LHFPL2: variants seen among roughly 807,000 people sequenced by gnomAD.
The protein encoded by LHFPL2 is LHFPL tetraspan subfamily member 2, also known as LHFPL tetraspan subfamily member 2 protein.
In LHFPL2, 7 loss-of-function variants were observed where a neutral mutation model predicts 17.5. That is an observed-to-expected ratio of 0.40 (90% CI 0.23 to 0.75). LHFPL2 has a LOEUF of 0.75. Among genes scored for constraint, LHFPL2 ranks in the 30% least tolerant of loss-of-function variants. The pLI, the probability that LHFPL2 is intolerant of heterozygous loss-of-function variation, is 0.37. For missense variants in LHFPL2, 241 were observed against 294.8 expected, an observed-to-expected ratio of 0.82 and a Z score of 1.34; for synonymous variants, 134 against 116.2, an observed-to-expected ratio of 1.15 and a Z score of -0.99.
intron 3 of LHFPL2, among the ~76,000 whole-genome samples, chr5:78,563,423 T>A (rs183196706): frequency 6.6e-6 from 1 of 152,144 alleles, no homozygotes; most frequent in Non-Finnish European, 1.5e-5. Context: ...GGGCCGACCA[T>A]GGTGACTCAC....
chr5:78,556,926 G>C (rs1368839928), intron 3 of LHFPL2, among the ~76,000 whole-genome samples: 1 of 151,974 alleles, frequency 6.6e-6, no homozygotes, highest in African/African-American at 2.4e-5. Context: ...TTGATAACTG[G>C]GGGGACAGGT....
chr5:78,550,597 T>G (rs866957455), intron 3 of LHFPL2, among the ~76,000 whole-genome samples: 10 of 152,210 alleles, frequency 6.6e-5, no homozygotes, highest in South Asian at 2.1e-4. Context: ...TTGAGATGGA[T>G]TCTCACTCTG....
chr5:78,646,414 G>C (rs1041796553), intron 1 of LHFPL2, among the ~76,000 whole-genome samples: 1 of 152,216 alleles, frequency 6.6e-6, no homozygotes, highest in Admixed American at 6.5e-5. Context: ...AGCACTTAGC[G>C]TGAGGAACCA....
chr5:78,576,166 G>A (rs1247358334), intron 2 of LHFPL2, among the ~76,000 whole-genome samples: 88 of 148,792 alleles, frequency 5.9e-4, no homozygotes, highest in East Asian at 2.3e-3. Context: ...GTGGTGGTGG[G>A]TGCCTGTAGT....
chr5:78,502,945 CTTCA>C (rs144953399), intron 4 of LHFPL2, among the ~76,000 whole-genome samples: 36,090 of 152,004 alleles, frequency 0.24, 4,580 homozygotes, highest in East Asian at 0.45. Flanking sequence ...TTAATATTGG[CTTCA>C]TTTTCTCCGC....
intron 1 of LHFPL2, among the ~76,000 whole-genome samples, chr5:78,633,204 G>T (rs1373079897): frequency 6.6e-6 from 1 of 152,220 alleles, no homozygotes; most frequent in African/African-American, 2.4e-5. Context: ...CTGGTCGGTT[G>T]TGAGAGGACA....
rs73144099 is a variant in LHFPL2 at position 78,554,538 on chromosome 5, A to G, written c.-186+10275T>C. 6.6e-3 allele frequency among the ~76,000 whole-genome samples: 999 copies of G among 152,320 alleles called. 15 individuals carry two copies. Among genetic ancestry groups the G allele is most frequent in the African/African-American group, 0.023 (962 of 41,552 alleles). On this transcript the variant is annotated intron_variant, in intron 3 of 4. Transcript: ENST00000380345. ...TTTACCTCCCAAGTCACCTACTTGC[A>G]CTTGAATCCCTGCTGCAGAATCTGC...
chr5:78,486,221 T>TTGAA lies in LHFPL2; in HGVS notation c.*2672_*2675dup, dbSNP rs1367386075. 1 of 152,620 alleles carries TTGAA rather than the reference T, an allele frequency of 6.6e-6. No individual in the cohort carries two copies. The highest frequency in any genetic ancestry group is 1.5e-5 in the Non-Finnish European group (1 of 68,052). 9.5% of individuals were successfully genotyped at this position (152,620 alleles called of 1,614,324 possible). On this transcript the variant is annotated 3_prime_UTR_variant, in exon 5 of 5. Coordinates refer to ENST00000380345, the MANE Select transcript of LHFPL2 (RefSeq NM_005779.3). The stretch of plus-strand genomic sequence containing the variant: ...CCTTATACAATTAATGCAACATTGT[T>TTGAA]TGAATTATTAGCACACAGGTTTAAA...
At chr5:78,636,016 A>G (rs1393082966) in intron 1 of LHFPL2, among the ~76,000 whole-genome samples, 1 of 151,860 alleles carries the variant, frequency 6.6e-6, no homozygotes, top group African/African-American at 2.4e-5. Flanking sequence ...ACACACACAC[A>G]CACGCGCACA....
chr5:78,611,489 C>A (rs974020359), intron 2 of LHFPL2, among the ~76,000 whole-genome samples: 1 of 152,164 alleles, frequency 6.6e-6, no homozygotes, highest in Non-Finnish European at 1.5e-5. Flanking sequence ...AGCCCCTGGC[C>A]CCAGGAAGTC....
Position 78,648,111 on chromosome 5 carries a change from T to A in LHFPL2, c.-350+388A>T, listed in dbSNP as rs1009711614. On this transcript the variant is annotated intron_variant, in intron 1 of 4. Transcript: ENST00000380345. This position sits in a 1 kb window ranked among gnomAD's most constrained non-coding sequence, Gnocchi z 5.4. ...CCCCAGGGAGCGGTGCCAGGCGCGC[T>A]GGAACCCGGCGCCCAGCTGCGCCTG... 6.6e-6 allele frequency among the ~76,000 whole-genome samples: 1 copy of A among 152,134 alleles called. No individual in the cohort carries two copies. The highest frequency in any genetic ancestry group is 1.5e-5 in the Non-Finnish European group (1 of 68,006).
intron 2 of LHFPL2, among the ~76,000 whole-genome samples, chr5:78,591,236 A>G (rs111229155): frequency 2.0e-4 from 31 of 152,326 alleles, no homozygotes; most frequent in South Asian, 4.1e-4. Flanking sequence ...CTAACCCCCT[A>G]ATGACCAATG....
At chr5:78,507,941 TACACACACACACACACACACAC>T (rs10562386) in intron 4 of LHFPL2, among the ~76,000 whole-genome samples, 3 of 148,566 alleles carry the variant, frequency 2.0e-5, no homozygotes, top group South Asian at 4.3e-4. Flanking sequence ...TACACATGCA[TACACACACACACACACACACAC>T]ACACACACAC....
intron 2 of LHFPL2, among the ~76,000 whole-genome samples, chr5:78,626,835 C>A (rs1745052970): frequency 6.6e-6 from 1 of 151,888 alleles, no homozygotes; most frequent in Non-Finnish European, 1.5e-5. Flanking sequence ...AATCTCAGCA[C>A]TTTGGGAGGC....
At chr5:78,617,898 C>T (rs1374248527) in intron 2 of LHFPL2, among the ~76,000 whole-genome samples, 1 of 126,772 alleles carries the variant, frequency 7.9e-6, no homozygotes, top group Non-Finnish European at 1.7e-5. Context: ...TCCCAGGCAT[C>T]ATGACCCTTA....
At chr5:78,585,801 T>A (rs1313821784) in intron 2 of LHFPL2, among the ~76,000 whole-genome samples, 1 of 152,070 alleles carries the variant, frequency 6.6e-6, no homozygotes, top group Non-Finnish European at 1.5e-5. Flanking sequence ...AACAATTTTA[T>A]GAGATAGGCT....
intron 2 of LHFPL2, among the ~76,000 whole-genome samples, chr5:78,580,085 T>G (rs551630881): frequency 0.016 from 2,451 of 152,332 alleles, 72 homozygotes; most frequent in African/African-American, 0.056. Context: ...TGATTTGCAT[T>G]TCTCTGATGG....
At chr5:78,627,089 C>CA (rs71001116) in intron 2 of LHFPL2, among the ~76,000 whole-genome samples, 2 of 151,542 alleles carry the variant, frequency 1.3e-5, no homozygotes, top group East Asian at 3.9e-4. Flanking sequence ...TTCAAAAAAA[C>CA]AACAACAACA....
Position 78,605,036 on chromosome 5 carries a change from C to A in LHFPL2, c.-245+27228G>T, listed in dbSNP as rs10067743. On this transcript the variant is annotated intron_variant, in intron 2 of 4. Transcript: ENST00000380345. The stretch of plus-strand genomic sequence containing the variant: ...TACAACATAATGTGCCTGAAAAACT[C>A]ATCTTTCAAAATTGTTTTATCAGAA... Among the ~76,000 whole-genome samples the A allele has an allele frequency of 4.3e-3, 656 of 152,284 alleles. 1 individual carries two copies. The highest frequency in any genetic ancestry group is 7.0e-3 in the Non-Finnish European group (478 of 68,032).
Sources: allele counts gnomAD v4.1 joint callset (sites outside exome capture counted in the v4.1 genomes callset), GRCh38; gene constraint gnomAD v4.1.1; non-coding constraint Gnocchi (gnomAD v3.1); transcripts MANE v1.5; gene names NCBI Gene and HGNC (gene_info 2026-07-23, HGNC 2026-07-21).